The following SPDEF variants were observed in gnomAD, a reference collection of about 807,000 sequenced individuals.
The protein encoded by SPDEF is SAM pointed domain-containing Ets transcription factor.
In SPDEF, 12 loss-of-function variants were observed where a neutral mutation model predicts 36.0. The observed-to-expected ratio is 0.33, with a 90% CI of 0.21 to 0.54. The LOEUF (loss-of-function observed/expected upper bound fraction) is 0.54. Among genes scored for constraint, SPDEF ranks in the 20% least tolerant of loss-of-function variants. The pLI, the probability that SPDEF is intolerant of heterozygous loss-of-function variation, is 0.93. For missense variants in SPDEF, 388 were observed against 456.9 expected, an observed-to-expected ratio of 0.85 and a Z score of 1.37; for synonymous variants, 205 against 193.0, an observed-to-expected ratio of 1.06 and a Z score of -0.51.
In SPDEF at chr6:34,547,305, C is replaced by T. The variant is rs561156347; in HGVS notation, c.-29-2821G>A. On this transcript the variant is annotated intron_variant, in intron 1 of 5. Transcript: ENST00000374037. ...CCAGGAAGGCATATAATGACACATC[C>T]TTGACACATTTGCTGAGTGCATGTG... is the stretch of plus-strand genomic sequence containing the variant. Among the ~76,000 whole-genome samples, 41 of 152,164 alleles carry T rather than the reference C, an allele frequency of 2.7e-4. No homozygotes were observed. The South Asian group carries it at 8.3e-3, about 31-fold the overall frequency.
rs1210661718 is a variant in SPDEF at position 34,539,371 on chromosome 6, G to A, written c.708C>T (p.Thr236=). Residue 236 remains threonine (T), a synonymous_variant, in exon 5 of 6, where the codon ACC becomes ACT. Transcript: ENST00000374037. This position sits in a 1 kb window ranked among gnomAD's most constrained non-coding sequence, Gnocchi z 5.2. ...YCASTSEESW[T]DSEVDSSCSG... is the part of the protein sequence containing the mutation. ...AGCATGATGAGTCCACCTCGCTGTC[G>A]GTCCAGCTCTCCTCACTGGTCGAGG... 2.5e-6 allele frequency: 4 copies of A among 1,613,770 alleles called. No homozygotes were observed. Among genetic ancestry groups the A allele is most frequent in the East Asian group, 2.2e-5 (1 of 44,880 alleles).
intron 1 of SPDEF, among the ~76,000 whole-genome samples, chr6:34,549,477 C>A (rs960344740): frequency 1.3e-5 from 2 of 152,152 alleles, no homozygotes; most frequent in Non-Finnish European, 2.9e-5. Context: ...CCCCTTGAAC[C>A]CTTTGCCTCC....
In SPDEF at chr6:34,555,102, C is replaced by T. The variant is rs1768138450; in HGVS notation, c.-30+827G>A. ...CAACACGCACGCGCACATGCACACA[C>T]CACACACACACATACTTCCGCGCAC... On this transcript the variant is annotated intron_variant, in intron 1 of 5. Coordinates refer to ENST00000374037, the MANE Select transcript of SPDEF (RefSeq NM_012391.3). This position sits in a 1 kb window ranked among gnomAD's most constrained non-coding sequence, Gnocchi z 5.2. Among the ~76,000 whole-genome samples the T allele has an allele frequency of 6.6e-6, 1 of 151,496 alleles. No individual in the cohort carries two copies. Among genetic ancestry groups the T allele is most frequent in the Admixed American group, 6.6e-5 (1 of 15,220 alleles).
intron 1 of SPDEF, among the ~76,000 whole-genome samples, chr6:34,551,431 A>G (rs1227352375): frequency 6.6e-6 from 1 of 152,084 alleles, no homozygotes; most frequent in African/African-American, 2.4e-5. Flanking sequence ...CATAGGAGAG[A>G]CCCTGGGTGA....
intron 1 of SPDEF, among the ~76,000 whole-genome samples, chr6:34,553,395 G>A (rs534162614): frequency 6.6e-6 from 1 of 152,186 alleles, no homozygotes; most frequent in Admixed American, 6.5e-5. Flanking sequence ...TCGCTTGGCT[G>A]GGGGCACAGG....
chr6:34,549,241 A>G (rs910730324), intron 1 of SPDEF, among the ~76,000 whole-genome samples: 3 of 152,216 alleles, frequency 2.0e-5, no homozygotes, highest in African/African-American at 7.2e-5. Flanking sequence ...CTCCAGACAA[A>G]GAAAGTTTGG....
chr6:34,546,385 G>A (rs553074834), intron 1 of SPDEF, among the ~76,000 whole-genome samples: 3 of 151,868 alleles, frequency 2.0e-5, no homozygotes, highest in South Asian at 2.1e-4. Context: ...GAGGGGAAGG[G>A]GGCTCCCTGA....
chr6:34,538,477 G>GC lies in SPDEF; in HGVS notation c.830-26dup. 1 of 1,593,432 alleles carries GC rather than the reference G, an allele frequency of 6.3e-7. No individual in the cohort carries two copies. Among genetic ancestry groups the GC allele is most frequent in the African/African-American group, 1.3e-5 (1 of 74,614 alleles). On this transcript the variant is annotated intron_variant, in intron 5 of 5. Coordinates refer to ENST00000374037, the MANE Select transcript of SPDEF (RefSeq NM_012391.3). This position sits in a 1 kb window ranked among gnomAD's most constrained non-coding sequence, Gnocchi z 5.9. ...CCTAGAGCAGGAGGGCCCCGAGAGAGCCAGTGGTATGAGTGAGGTGGCAAG... is the reference window on the plus strand; with the variant it reads ...CCTAGAGCAGGAGGGCCCCGAGAGAGCCCAGTGGTATGAGTGAGGTGGCAAG...
At chr6:34,554,961 C>T (rs184183116) in intron 1 of SPDEF, among the ~76,000 whole-genome samples, 141 of 152,280 alleles carry the variant, frequency 9.3e-4, no homozygotes, top group Non-Finnish European at 1.8e-3. Flanking sequence ...ACACAGGCTA[C>T]GCGGGGCTCA....
At position 34,541,027 on chromosome 6, in the gene SPDEF, C is replaced by G. The variant is rs528146514; in HGVS notation, c.591G>C (p.Leu197=). The G allele has an allele frequency of 1.2e-6, 2 of 1,612,408 alleles. No individual in the cohort carries two copies. The highest frequency in any genetic ancestry group is 1.7e-5 in the Admixed American group (1 of 60,006). ...GGTGGGCGTGCAGCACATCCCCACC[C>G]AGGGGCGAGCGCTGGCGGAACTGCT... ...SEEQFRQRSP[L]GGDVLHAHLD... is the part of the protein sequence containing the mutation. Residue 197 remains leucine, a synonymous_variant, in exon 3 of 6, where the codon CTG becomes CTC. Coordinates refer to ENST00000374037, the MANE Select transcript of SPDEF (RefSeq NM_012391.3).
rs758431726 is a variant in SPDEF at position 34,542,886 on chromosome 6, CAAAAAAAAAA to C, written c.436+1124_436+1133del. ...CCTCAGTGATAGAGCGAGACCCTGT[CAAAAAAAAAA>C]AAAAAAAAAAGAAGAGGCTGGGCGC... On this transcript the variant is annotated intron_variant, in intron 2 of 5. Transcript: ENST00000374037. 1.2e-3 allele frequency among the ~76,000 whole-genome samples: 62 copies of C among 53,560 alleles called. 1 individual carries two copies. The South Asian group carries it at 0.022, about 19-fold the overall frequency. 35.1% of individuals were successfully genotyped at this position (53,560 alleles called of 152,430 possible). A position where few individuals can be genotyped will look rare whatever the true frequency, so the allele number is the denominator to read the frequency against.
In SPDEF at chr6:34,555,367, C is replaced by T. The variant is rs900374159; in HGVS notation, c.-30+562G>A. On this transcript the variant is annotated intron_variant, in intron 1 of 5. Transcript: ENST00000374037. This position sits in a 1 kb window ranked among gnomAD's most constrained non-coding sequence, Gnocchi z 5.2. ...GCTCAGAGTGTGTGCTCAGCGGTGACCCCAGCCCCCTGGTTCCTGTGCCCA... is the reference window on the plus strand; with the variant it reads ...GCTCAGAGTGTGTGCTCAGCGGTGATCCCAGCCCCCTGGTTCCTGTGCCCA... Among the ~76,000 whole-genome samples the T allele has an allele frequency of 2.0e-5, 3 of 152,104 alleles. No homozygotes were observed. Among genetic ancestry groups the T allele is most frequent in the Non-Finnish European group, 2.9e-5 (2 of 68,024 alleles).
intron 3 of SPDEF, among the ~76,000 whole-genome samples, chr6:34,540,473 C>G (rs1767793937): frequency 6.6e-6 from 1 of 151,442 alleles, no homozygotes; most frequent in Non-Finnish European, 1.5e-5. Flanking sequence ...CATAGACTTT[C>G]CCTGGAAAGA....
rs938484972 is a variant in SPDEF at position 34,552,109 on chromosome 6, C to T, written c.-30+3820G>A. 6.6e-6 allele frequency among the ~76,000 whole-genome samples: 1 copy of T among 152,204 alleles called. No homozygotes were observed. The highest frequency in any genetic ancestry group is 1.5e-5 in the Non-Finnish European group (1 of 68,040). The stretch of plus-strand genomic sequence containing the variant: ...CTTTGCCATGATGCAGCCCGGGTCA[C>T]ATGGCTGCCCCTCTCTGGCACAGTC... On this transcript the variant is annotated intron_variant, in intron 1 of 5. Coordinates refer to ENST00000374037, the MANE Select transcript of SPDEF (RefSeq NM_012391.3). This position sits in a 1 kb window ranked among gnomAD's most constrained non-coding sequence, Gnocchi z 4.6.
rs758123156 is a variant in SPDEF, at chr6:34,539,232, C to G, written c.829+18G>C. On this transcript the variant is annotated intron_variant, in intron 5 of 5. Coordinates refer to ENST00000374037, the MANE Select transcript of SPDEF (RefSeq NM_012391.3). The surrounding 1 kb of genome is among the most constrained non-coding windows in gnomAD (Gnocchi z 5.2). Reference sequence around the variant, plus strand: ...CATGCTCACTGGCCCTGCAGCGCCCCTTGGGCACCCTGCTCACCCTTCTCC... The same window carrying G: ...CATGCTCACTGGCCCTGCAGCGCCCGTTGGGCACCCTGCTCACCCTTCTCC... 6.2e-6 allele frequency: 10 copies of G among 1,613,092 alleles called. No individual in the cohort carries two copies. The highest frequency in any genetic ancestry group is 7.6e-6 in the Non-Finnish European group (9 of 1,179,666).
chr6:34,541,164 G>C lies in SPDEF; in HGVS notation c.454C>G (p.Pro152Ala). ...AGGAGCCACTTCTGCACATTGCTGG[G>C]GCTCCAGTCCATGGGATCTGGGCAA... ...NITADPMDWS[P>A]SNVQKWLLWT... is the part of the protein sequence containing the mutation. Residue 152 changes from proline to alanine, a missense_variant, in exon 3 of 6, where the codon CCC becomes GCC. Physicochemically the swap from Pro to Ala is conservative, Grantham distance 27. Coordinates refer to ENST00000374037, the MANE Select transcript of SPDEF (RefSeq NM_012391.3). 6.2e-7 allele frequency: 1 copy of C among 1,604,474 alleles called. No homozygotes were observed. The highest frequency in any genetic ancestry group is 8.5e-7 in the Non-Finnish European group (1 of 1,175,450).
rs1466134172 is a variant in SPDEF, at chr6:34,555,763, G to A, written c.-30+166C>T. Among the ~76,000 whole-genome samples, 1 of 152,164 alleles carries A rather than the reference G, an allele frequency of 6.6e-6. No homozygotes were observed. The highest frequency in any genetic ancestry group is 1.5e-5 in the Non-Finnish European group (1 of 68,032). ...CTGGGGAGCATGAGGAGGGGGCAAG[G>A]AATTCTGAGGGTAAAGGGATCCAGG... On this transcript the variant is annotated intron_variant, in intron 1 of 5. Transcript: ENST00000374037. This position sits in a 1 kb window ranked among gnomAD's most constrained non-coding sequence, Gnocchi z 5.2.
chr6:34,539,428 G>C lies in SPDEF; in HGVS notation c.683-32C>G, dbSNP rs781302377. 3 of 1,612,540 alleles carry C rather than the reference G, an allele frequency of 1.9e-6. No homozygotes were observed. In the Admixed American group the frequency reaches 5.0e-5, roughly 27 times the overall value. ...GGCCAGGGAGGGTGGCGGTGAGTGG[G>C]AATGGGAGGCCAGTCCCGGCTTCAT... On this transcript the variant is annotated intron_variant, in intron 4 of 5. Transcript: ENST00000374037. This position sits in a 1 kb window ranked among gnomAD's most constrained non-coding sequence, Gnocchi z 5.2.
At chr6:34,547,508 GGTGTGTGCC>G (rs1767979638) in intron 1 of SPDEF, among the ~76,000 whole-genome samples, 1 of 152,120 alleles carries the variant, frequency 6.6e-6, no homozygotes, top group Non-Finnish European at 1.5e-5. Flanking sequence ...TGGGACTACA[GGTGTGTGCC>G]ATCATGCCTG....
Sources: allele counts gnomAD v4.1 joint callset (sites outside exome capture counted in the v4.1 genomes callset), GRCh38; gene constraint gnomAD v4.1.1; non-coding constraint Gnocchi (gnomAD v3.1); transcripts MANE v1.5; gene names NCBI Gene and HGNC (gene_info 2026-07-23, HGNC 2026-07-21).